Variants in PACRG observed in about 807,000 individuals in gnomAD.
PACRG encodes the protein parkin coregulated, also known as parkin coregulated gene protein.
PACRG carries 29 observed loss-of-function variants against 29.7 expected under a neutral mutation model. The observed-to-expected ratio is 0.98, with a 90% CI of 0.73 to 1.33. The LOEUF (loss-of-function observed/expected upper bound fraction) is 1.33. Among genes scored for constraint, PACRG ranks in the 40% most tolerant of loss-of-function variants. The probability of loss-of-function intolerance (pLI) is 0.00; values close to 1 mark genes in which losing one functional copy is unlikely to be tolerated. For missense variants in PACRG, 279 were observed against 316.2 expected (o/e 0.88, Z 0.89); for synonymous variants, 116 against 118.7 (o/e 0.98, Z 0.15).
chr6:162,817,596 T>C (rs1011381295), intron 2 of PACRG, among the ~76,000 whole-genome samples: 3 of 152,166 alleles, frequency 2.0e-5, no homozygotes, highest in African/African-American at 7.2e-5. Flanking sequence ...CAATTGGCCA[T>C]ATGTGGTGAT....
At chr6:163,177,710 A>ATATTTTTTTTTTTT (rs1779440928) in intron 4 of PACRG, among the ~76,000 whole-genome samples, 1 of 53,744 alleles carries the variant, frequency 1.9e-5, no homozygotes. Flanking sequence ...TAGAAAAGGG[A>ATATTTTTTTTTTTT]TTTTTTTTTT....
chr6:163,131,180 C>T (rs548148444), intron 4 of PACRG, among the ~76,000 whole-genome samples: 94 of 152,030 alleles, frequency 6.2e-4, no homozygotes, highest in South Asian at 2.1e-3. Context: ...TGGTGGCGGG[C>T]GCCTGTAGTC....
At chr6:162,753,457 G>A (rs1781668082) in intron 1 of PACRG, among the ~76,000 whole-genome samples, 1 of 152,176 alleles carries the variant, frequency 6.6e-6, no homozygotes, top group African/African-American at 2.4e-5. Context: ...AGGCTGAATA[G>A]TATTACATTT....
chr6:162,884,270 A>G (rs1051855252), intron 2 of PACRG, among the ~76,000 whole-genome samples: 1 of 152,104 alleles, frequency 6.6e-6, no homozygotes, highest in Non-Finnish European at 1.5e-5. Context: ...CAATATTTCT[A>G]GGCTAGAAGG....
At chr6:162,941,567 C>A (rs1464574580) in intron 2 of PACRG, among the ~76,000 whole-genome samples, 1 of 152,148 alleles carries the variant, frequency 6.6e-6, no homozygotes, top group Non-Finnish European at 1.5e-5. Context: ...GGAGGAGTTT[C>A]TGGGTGATTT....
intron 1 of PACRG, among the ~76,000 whole-genome samples, chr6:162,734,474 A>C (rs573947226): frequency 2.0e-5 from 3 of 151,230 alleles, no homozygotes; most frequent in Admixed American, 6.6e-5. Context: ...CTTCCTATCA[A>C]ATTTAGGAAT....
chr6:162,810,348 C>T (rs1006174116), intron 1 of PACRG, among the ~76,000 whole-genome samples: 3 of 152,090 alleles, frequency 2.0e-5, no homozygotes, highest in African/African-American at 4.8e-5. Flanking sequence ...AAAACGGAAG[C>T]TTTAAGATCT....
Position 163,149,147 on chromosome 6 carries a change from C to G in PACRG, c.613+59739C>G, listed in dbSNP as rs987911845. ...CTCCTGCCCCGGCCCTGCCACCTCC[C>G]GCAGACCGAACCCTCGCTGTCACCT... is the stretch of plus-strand genomic sequence containing the variant. On this transcript the variant is annotated intron_variant, in intron 4 of 4. Transcript: ENST00000366888. Among the ~76,000 whole-genome samples the G allele has an allele frequency of 8.7e-4, 133 of 152,040 alleles. 1 individual carries two copies. Among genetic ancestry groups the G allele is most frequent in the African/African-American group, 3.1e-3 (128 of 41,478 alleles).
Position 162,910,234 on chromosome 6 carries a change from C to T in PACRG, c.291+95953C>T, listed in dbSNP as rs534941691. Among the ~76,000 whole-genome samples the T allele has an allele frequency of 2.0e-5, 3 of 152,278 alleles. No individual in the cohort carries two copies. The South Asian group carries it at 6.2e-4, about 32-fold the overall frequency. ...GAGACTCAGAATGCTTAAATAACTT[C>T]CTCAAGGTCACACGGGTTCTAAAAT... On this transcript the variant is annotated intron_variant, in intron 2 of 4. Transcript: ENST00000366888.
chr6:163,117,587 A>G (rs188484739), intron 4 of PACRG, among the ~76,000 whole-genome samples: 2 of 152,212 alleles, frequency 1.3e-5, no homozygotes, highest in South Asian at 2.1e-4. Context: ...CCCCATCTCT[A>G]CTAAAAATAC....
chr6:162,746,659 C>A (rs553359912), intron 1 of PACRG, among the ~76,000 whole-genome samples: 16 of 152,262 alleles, frequency 1.1e-4, no homozygotes, highest in African/African-American at 3.9e-4. Context: ...GCATAAATAG[C>A]CAGTGTCTTG....
At chr6:162,879,271 C>T (rs909073306) in intron 2 of PACRG, among the ~76,000 whole-genome samples, 9 of 152,194 alleles carry the variant, frequency 5.9e-5, no homozygotes, top group African/African-American at 1.4e-4. Context: ...CTATAGAAAT[C>T]GTCCTTTAAT....
At chr6:163,065,412 A>G (rs1193328985) in intron 3 of PACRG, among the ~76,000 whole-genome samples, 1 of 152,200 alleles carries the variant, frequency 6.6e-6, no homozygotes, top group Non-Finnish European at 1.5e-5. Context: ...TGAAACCAGG[A>G]GGCAGTGTCT....
chr6:163,020,058 G>A (rs1806467872), intron 2 of PACRG, among the ~76,000 whole-genome samples: 1 of 152,080 alleles, frequency 6.6e-6, no homozygotes, highest in African/African-American at 2.4e-5. Flanking sequence ...CCTAATTACA[G>A]GAAATAATTA....
chr6:163,061,281 C>T (rs1030474081), intron 2 of PACRG, among the ~76,000 whole-genome samples: 10 of 152,162 alleles, frequency 6.6e-5, no homozygotes, highest in Admixed American at 2.0e-4. Flanking sequence ...CTGGCAGTAG[C>T]TCAGGCCACA....
At chr6:163,126,908 GC>G (rs1816539032) in intron 4 of PACRG, among the ~76,000 whole-genome samples, 1 of 152,168 alleles carries the variant, frequency 6.6e-6, no homozygotes. Flanking sequence ...AGCACTGCTG[GC>G]CAGGTCAGAT....
intron 1 of PACRG, among the ~76,000 whole-genome samples, chr6:162,788,980 G>A (rs1042740029): frequency 6.6e-6 from 1 of 152,048 alleles, no homozygotes; most frequent in African/African-American, 2.4e-5. Flanking sequence ...AAGAAGAAAA[G>A]CTTCCCTGAT....
chr6:163,174,460 T>G (rs567923882), intron 4 of PACRG, among the ~76,000 whole-genome samples: 2 of 152,338 alleles, frequency 1.3e-5, no homozygotes, highest in South Asian at 4.1e-4. Context: ...TCCTTATTCT[T>G]TTGAATATCA....
chr6:163,139,002 T>C (rs1347626939), intron 4 of PACRG, among the ~76,000 whole-genome samples: 1 of 152,252 alleles, frequency 6.6e-6, no homozygotes, highest in Non-Finnish European at 1.5e-5. Flanking sequence ...GACTCCATCC[T>C]ACACTGCCCA....
Sources: gnomAD v4.1 joint callset for allele counts (sites outside exome capture counted in the v4.1 genomes callset) on GRCh38, gnomAD v4.1.1 for gene constraint, MANE v1.5 for transcripts, NCBI Gene and HGNC (gene_info 2026-07-23, HGNC 2026-07-21) for gene names.